YWHAG: variants seen among roughly 807,000 people sequenced by gnomAD.
YWHAG encodes 14-3-3 protein gamma.
YWHAG carries 1 observed loss-of-function variant against 23.3 expected under a neutral mutation model. The observed-to-expected ratio is 0.04, with a 90% CI of 0.02 to 0.20. The LOEUF is 0.20. Ranked by LOEUF, YWHAG falls within the 10% of genes least tolerant of loss-of-function variation. YWHAG has a pLI of 1.00. For missense variants in YWHAG, 151 were observed against 338.6 expected (o/e 0.45, Z 4.35); for synonymous variants, 160 against 144.0 (o/e 1.11, Z -0.80).
intron 1 of YWHAG, among the ~76,000 whole-genome samples, chr7:76,348,489 G>A (rs985531501): frequency 6.8e-6 from 1 of 147,752 alleles, no homozygotes; most frequent in Non-Finnish European, 1.5e-5. Context: ...TGCAAGCTGC[G>A]CCACCCCGGG....
chr7:76,336,684 G>C (rs1803621002), intron 1 of YWHAG, among the ~76,000 whole-genome samples: 1 of 151,646 alleles, frequency 6.6e-6, no homozygotes, highest in Admixed American at 6.6e-5. Context: ...TCGAACTCCT[G>C]ACCTCAGGTG....
At chr7:76,344,405 G>A (rs1803745293) in intron 1 of YWHAG, among the ~76,000 whole-genome samples, 1 of 152,168 alleles carries the variant, frequency 6.6e-6, no homozygotes. Context: ...TAGGGCACAT[G>A]ACATGCCTCT....
chr7:76,329,886 C>T lies in YWHAG; in HGVS notation c.435G>A (p.Thr145=), dbSNP rs766018409. ...AEVATGEKRA[T]VVESSEKAYS... ...AGGCCTTCTCGGAGGACTCCACCAC[C>T]GTCGCCCTTTTCTCTCCGGTGGCCA... The change falls in exon 2 of 2, where the codon ACG becomes ACA. Residue 145 remains threonine (T), a synonymous_variant. Transcript: ENST00000307630. This position sits in a 1 kb window ranked among gnomAD's most constrained non-coding sequence, Gnocchi z 6.1. 1 of 1,613,974 alleles carries T rather than the reference C, an allele frequency of 6.2e-7. No homozygotes were observed.
chr7:76,338,419 C>T lies in YWHAG; in HGVS notation c.88-8186G>A, dbSNP rs113702756. The stretch of plus-strand genomic sequence containing the variant: ...GTGAGGGCCTGGGTTTGGCTGACAG[C>T]GCCAAGTCCCACTCCACAAGGTGGG... On this transcript the variant is annotated intron_variant, in intron 1 of 1. Transcript: ENST00000307630. Among the ~76,000 whole-genome samples, 776 of 152,172 alleles carry T rather than the reference C, an allele frequency of 5.1e-3. 7 individuals carry two copies. Among genetic ancestry groups the T allele is most frequent in the African/African-American group, 0.018 (728 of 41,512 alleles).
At chr7:76,353,640 G>A (rs1359247858) in intron 1 of YWHAG, among the ~76,000 whole-genome samples, 4 of 152,152 alleles carry the variant, frequency 2.6e-5, no homozygotes, top group Non-Finnish European at 5.9e-5. Context: ...AATATGTTTT[G>A]GTAGTTAATC....
At chr7:76,351,813 T>C (rs1178076510) in intron 1 of YWHAG, among the ~76,000 whole-genome samples, 4 of 152,206 alleles carry the variant, frequency 2.6e-5, no homozygotes, top group African/African-American at 9.7e-5. Flanking sequence ...TTACATTACA[T>C]ACTACAATGT....
intron 1 of YWHAG, among the ~76,000 whole-genome samples, chr7:76,331,054 C>G (rs988754620): frequency 1.1e-4 from 16 of 152,156 alleles, no homozygotes; most frequent in Admixed American, 9.2e-4. Flanking sequence ...AATTTATTTA[C>G]CTGGTTTCTA....
chr7:76,329,489 T>TGACACCCCCCCC lies in YWHAG; in HGVS notation c.*87_*88insGGGGGGGGTGTC. 9.8e-7 allele frequency: 1 copy of TGACACCCCCCCC among 1,024,228 alleles called. No individual in the cohort carries two copies. The highest frequency in any genetic ancestry group is 1.4e-6 in the Non-Finnish European group (1 of 740,082). 63.4% of individuals were successfully genotyped at this position (1,024,228 alleles called of 1,614,324 possible). On this transcript the variant is annotated 3_prime_UTR_variant, in exon 2 of 2. Transcript: ENST00000307630. The surrounding 1 kb of genome is among the most constrained non-coding windows in gnomAD (Gnocchi z 6.1). ...TCCCTGGGAAGGTCATCCCTCCCTTTCCCTCCCCCACCCGACCCCCAACTC... is the reference window on the plus strand; with the variant it reads ...TCCCTGGGAAGGTCATCCCTCCCTTTGACACCCCCCCCCCCTCCCCCACCCGACCCCCAACTC...
intron 1 of YWHAG, among the ~76,000 whole-genome samples, chr7:76,358,492 CGCGCCG>C (rs909142390): frequency 6.6e-6 from 1 of 152,024 alleles, no homozygotes; most frequent in South Asian, 2.1e-4. Context: ...GGCCCGCGCC[CGCGCCG>C]GGCCTGAATG....
chr7:76,354,295 G>C (rs932242857), intron 1 of YWHAG, among the ~76,000 whole-genome samples: 1 of 152,166 alleles, frequency 6.6e-6, no homozygotes, highest in African/African-American at 2.4e-5. Context: ...CAGATCACCT[G>C]AAGTCAGGAG....
chr7:76,356,612 A>G (rs1296591437), intron 1 of YWHAG, among the ~76,000 whole-genome samples: 1 of 152,200 alleles, frequency 6.6e-6, no homozygotes, highest in African/African-American at 2.4e-5. Flanking sequence ...AGTGTCATAA[A>G]CTATATTCTT....
At chr7:76,348,719 C>T (rs1295358237) in intron 1 of YWHAG, among the ~76,000 whole-genome samples, 1 of 151,528 alleles carries the variant, frequency 6.6e-6, no homozygotes, top group African/African-American at 2.4e-5. Context: ...TTTGTATTTT[C>T]TGTAGAGACA....
rs1443627463 is a variant in YWHAG at position 76,327,367 on chromosome 7, A to C, written c.*2210T>G. 6.6e-6 allele frequency: 1 copy of C among 152,288 alleles called. No homozygotes were observed. Among genetic ancestry groups the C allele is most frequent in the African/African-American group, 2.4e-5 (1 of 41,450 alleles). 9.4% of individuals were successfully genotyped at this position (152,288 alleles called of 1,614,324 possible). On this transcript the variant is annotated 3_prime_UTR_variant, in exon 2 of 2. Coordinates refer to ENST00000307630, the MANE Select transcript of YWHAG (RefSeq NM_012479.4). ...TGCACAATATTGTATCAATAGAGTA[A>C]TGGAGGAGTAATCATTTCACTGGAG...
chr7:76,348,592 G>T (rs999829512), intron 1 of YWHAG, among the ~76,000 whole-genome samples: 3 of 152,000 alleles, frequency 2.0e-5, no homozygotes, highest in Non-Finnish European at 4.4e-5. Context: ...TTTTAGTAGA[G>T]ACGGGGTTTC....
In YWHAG at chr7:76,327,273, AGGAAT is replaced by A. The variant is rs2115579180; in HGVS notation, c.*2299_*2303del. The A allele has an allele frequency of 6.6e-6, 1 of 152,096 alleles. No homozygotes were observed. The highest frequency in any genetic ancestry group is 2.4e-5 in the African/African-American group (1 of 41,560). 9.4% of individuals were successfully genotyped at this position (152,096 alleles called of 1,614,324 possible). A position where few individuals can be genotyped will look rare whatever the true frequency, so the allele number is the denominator to read the frequency against. ...TTGAAGACTTAATTTTTTTTGTCAT[AGGAAT>A]ACATAACACCTACAGTATAAGTTAA... On this transcript the variant is annotated 3_prime_UTR_variant, in exon 2 of 2. Coordinates refer to ENST00000307630, the MANE Select transcript of YWHAG (RefSeq NM_012479.4).
At chr7:76,343,406 T>C (rs1364052478) in intron 1 of YWHAG, among the ~76,000 whole-genome samples, 1 of 152,172 alleles carries the variant, frequency 6.6e-6, no homozygotes, top group Non-Finnish European at 1.5e-5. Flanking sequence ...TCTCTGCTTC[T>C]TCACATTAAT....
intron 1 of YWHAG, among the ~76,000 whole-genome samples, chr7:76,347,900 T>C (rs577051146): frequency 7.2e-5 from 11 of 152,362 alleles, no homozygotes; most frequent in African/African-American, 2.6e-4. Flanking sequence ...ACTTACCTCA[T>C]GTTAAAAATC....
intron 1 of YWHAG, among the ~76,000 whole-genome samples, chr7:76,356,488 T>G: frequency 6.6e-6 from 1 of 152,214 alleles, no homozygotes; most frequent in Non-Finnish European, 1.5e-5. Context: ...TTTCATTCCC[T>G]ACTAGTAACT....
In YWHAG at chr7:76,328,988, T is replaced by C. The variant is rs760535528; in HGVS notation, c.*589A>G. 1 of 152,988 alleles carries C rather than the reference T, an allele frequency of 6.5e-6. No homozygotes were observed. The highest frequency in any genetic ancestry group is 1.5e-5 in the Non-Finnish European group (1 of 68,214). The allele number at this position is 152,988 out of a possible 1,614,324, so 9.5% of individuals were successfully genotyped here. On this transcript the variant is annotated 3_prime_UTR_variant, in exon 2 of 2. Transcript: ENST00000307630. ...ATATGGCTGTAATGTAGAAATACTG[T>C]AAACTGCAATTTAGTGTTAATACTG...
Sources: gnomAD v4.1 joint callset for allele counts (sites outside exome capture counted in the v4.1 genomes callset) on GRCh38, gnomAD v4.1.1 for gene constraint, Gnocchi (gnomAD v3.1) non-coding constraint, MANE v1.5 for transcripts, NCBI Gene and HGNC (gene_info 2026-07-23, HGNC 2026-07-21) for gene names.